LRIF1: variants seen among roughly 807,000 people sequenced by gnomAD.
LRIF1 encodes the protein ligand dependent nuclear receptor interacting factor 1, also known as ligand-dependent nuclear receptor-interacting factor 1.
Under a neutral mutation model 52.7 loss-of-function variants are expected in LRIF1, and 32 were observed. The ratio of observed to expected loss-of-function variants is 0.61; its 90% CI spans 0.46 to 0.82. The LOEUF is 0.82. LRIF1 is among the 40% of genes least tolerant of loss of function. The pLI, the probability that LRIF1 is intolerant of heterozygous loss-of-function variation, is 0.00. For synonymous variants in LRIF1, 323 were observed against 317.4 expected, an observed-to-expected ratio of 1.02 and a Z score of -0.19; for missense variants, 887 against 892.0, an observed-to-expected ratio of 0.99 and a Z score of 0.07.
At chr1:110,915,887 A>G in the LRIF1 span, among the ~76,000 whole-genome samples, 1 of 152,260 alleles carries the variant, frequency 6.6e-6, no homozygotes, top group Non-Finnish European at 1.5e-5. Context: ...CAGATTGTCA[A>G]CTGTCTTCTC....
At chr1:110,887,235 T>C in the LRIF1 span, among the ~76,000 whole-genome samples, 1 of 151,962 alleles carries the variant, frequency 6.6e-6, no homozygotes, top group African/African-American at 2.4e-5. Context: ...GGCTAATTTT[T>C]TCTATTTTTT....
chr1:110,881,891 A>T, the LRIF1 span, among the ~76,000 whole-genome samples: 1 of 152,148 alleles, frequency 6.6e-6, no homozygotes. Context: ...TCATGTCCTT[A>T]TTTGCCATCC....
intron 1 of LRIF1, among the ~76,000 whole-genome samples, chr1:110,955,807 T>C (rs190796878): frequency 2.7e-4 from 41 of 152,340 alleles, no homozygotes; most frequent in African/African-American, 9.9e-4. Context: ...TTTCTTTGTT[T>C]AAGGTTAGAT....
At chr1:110,925,279 G>C in the LRIF1 span, among the ~76,000 whole-genome samples, 1 of 152,158 alleles carries the variant, frequency 6.6e-6, no homozygotes, top group African/African-American at 2.4e-5. Flanking sequence ...CTCAAAGAGG[G>C]AATTCTGCCA....
At chr1:110,894,093 G>C in the LRIF1 span, among the ~76,000 whole-genome samples, 2 of 152,334 alleles carry the variant, frequency 1.3e-5, no homozygotes, top group African/African-American at 4.8e-5. Flanking sequence ...GTAGTGCTCT[G>C]ATAGGCACAG....
At chr1:110,885,660 C>T in the LRIF1 span, among the ~76,000 whole-genome samples, 27 of 152,002 alleles carry the variant, frequency 1.8e-4, no homozygotes, top group East Asian at 5.0e-3. Flanking sequence ...GTCAGGAGTT[C>T]GAGACCAGCC....
At chr1:110,946,072 A>T (rs1658197465), downstream of LRIF1, among the ~76,000 whole-genome samples, 1 of 152,260 alleles carries the variant, frequency 6.6e-6, no homozygotes, top group Admixed American at 6.5e-5. Flanking sequence ...CATTACTTGT[A>T]GCTGCCAAAA....
chr1:110,941,964 G>A, the LRIF1 span: 1 of 151,930 alleles, frequency 6.6e-6, no homozygotes, highest in Non-Finnish European at 1.5e-5. Flanking sequence ...CTACATGAAG[G>A]TAGCATGCTA....
At chr1:110,935,532 T>A in the LRIF1 span, among the ~76,000 whole-genome samples, 2 of 152,214 alleles carry the variant, frequency 1.3e-5, no homozygotes, top group African/African-American at 2.4e-5. Context: ...GCAGAAATTT[T>A]GGAGCTAAAA....
chr1:110,897,605 T>C, the LRIF1 span: 2 of 468,784 alleles, frequency 4.3e-6, no homozygotes, highest in South Asian at 5.8e-5. Flanking sequence ...ACCACTGTAA[T>C]GATAACACCA....
the LRIF1 span, among the ~76,000 whole-genome samples, chr1:110,881,890 T>TA: frequency 6.6e-6 from 1 of 152,328 alleles, no homozygotes; most frequent in East Asian, 1.9e-4. Flanking sequence ...TTCATGTCCT[T>TA]ATTTGCCATC....
At chr1:110,919,328 C>T in the LRIF1 span, among the ~76,000 whole-genome samples, 1 of 152,122 alleles carries the variant, frequency 6.6e-6, no homozygotes, top group East Asian at 1.9e-4. Context: ...GAATATAAAG[C>T]TGGCAGAAAA....
the LRIF1 span, among the ~76,000 whole-genome samples, chr1:110,902,700 A>G: frequency 6.6e-6 from 1 of 152,168 alleles, no homozygotes; most frequent in Non-Finnish European, 1.5e-5. Context: ...TGTTCCTTGA[A>G]TTATAAACAA....
At chr1:110,897,606 G>T in the LRIF1 span, 1 of 470,530 alleles carries the variant, frequency 2.1e-6, no homozygotes, top group Non-Finnish European at 3.9e-6. Flanking sequence ...CCACTGTAAT[G>T]ATAACACCAC....
rs183042151 is a variant in LRIF1 at position 110,955,827 on chromosome 1, C to G, written c.69-3012G>C. On this transcript the variant is annotated intron_variant, in intron 1 of 3. Coordinates refer to ENST00000369763, the MANE Select transcript of LRIF1 (RefSeq NM_018372.4). ...TTGTTTAAGGTTAGATTAACCAGAA[C>G]ATATGTAAATACTCAAGTGAGCCAG... Among the ~76,000 whole-genome samples the G allele has an allele frequency of 5.9e-5, 9 of 152,176 alleles. No homozygotes were observed. The East Asian group carries it at 1.7e-3, about 29-fold the overall frequency.
chr1:110,904,438 AAGAG>A, the LRIF1 span, among the ~76,000 whole-genome samples: 3 of 152,150 alleles, frequency 2.0e-5, no homozygotes, highest in East Asian at 1.9e-4. Flanking sequence ...TCAGAACAGA[AAGAG>A]AGAGAGAATC....
intron 1 of LRIF1, among the ~76,000 whole-genome samples, chr1:110,956,222 C>A (rs1658692620): frequency 2.6e-5 from 4 of 152,094 alleles, no homozygotes. Context: ...GTGTTGATGG[C>A]ATGGGGAGAC....
the LRIF1 span, among the ~76,000 whole-genome samples, chr1:110,901,723 G>A: frequency 2.5e-3 from 384 of 152,034 alleles, 1 homozygote; most frequent in African/African-American, 8.9e-3. Context: ...TGATCCACCT[G>A]CCTTGGCCTC....
chr1:110,951,589 G>A lies in LRIF1; in HGVS notation c.1295C>T (p.Thr432Ile), dbSNP rs866139955. ...SQMETKSLSNTQLASMANLRA... is the reference protein window; with the variant it reads ...SQMETKSLSNIQLASMANLRA... ...TAGATTGGCCATGGAAGCAAGCTGG[G>A]TATTGGAAAGTGATTTTGTCTCCAT... is the stretch of plus-strand genomic sequence containing the variant. The change falls in exon 2 of 4, where the codon ACC (threonine) becomes ATC (isoleucine). Residue 432 changes from threonine to isoleucine, a missense_variant. Transcript: ENST00000369763. The A allele has an allele frequency of 6.8e-6, 11 of 1,613,964 alleles. No individual in the cohort carries two copies. The African/African-American group carries it at 1.2e-4, about 18-fold the overall frequency.
Sources: allele counts gnomAD v4.1 joint callset (sites outside exome capture counted in the v4.1 genomes callset), GRCh38; gene constraint gnomAD v4.1.1; transcripts MANE v1.5; gene names NCBI Gene and HGNC (gene_info 2026-07-23, HGNC 2026-07-21).